The following RBFOX1 variants were observed in gnomAD, a reference collection of about 807,000 sequenced individuals.
RBFOX1 encodes RNA binding fox-1 homolog 1.
A neutral mutation model predicts 57.7 loss-of-function variants in RBFOX1; 8 were observed. The observed-to-expected ratio is 0.14, with a 90% CI of 0.08 to 0.25. The LOEUF is 0.25. Among genes scored for constraint, RBFOX1 ranks in the 10% least tolerant of loss-of-function variants. The probability of loss-of-function intolerance (pLI) is 1.00; values close to 1 mark genes in which losing one functional copy is unlikely to be tolerated. For missense variants in RBFOX1, 611 were observed against 548.5 expected (o/e 1.11, Z -1.14); for synonymous variants, 326 against 222.4 (o/e 1.47, Z -4.15).
intron 3 of RBFOX1, among the ~76,000 whole-genome samples, chr16:5,863,229 G>A (rs551250509): frequency 2.0e-5 from 3 of 152,196 alleles, no homozygotes; most frequent in East Asian, 1.9e-4. Flanking sequence ...CAGAGAAACC[G>A]AAGGAGAGGA....
chr16:5,350,485 G>T (rs1234291504), intron 1 of RBFOX1, among the ~76,000 whole-genome samples: 1 of 152,162 alleles, frequency 6.6e-6, no homozygotes, highest in Non-Finnish European at 1.5e-5. Flanking sequence ...GTACCATTTA[G>T]TTCCCGTGTC....
chr16:7,522,369 T>C (rs1267457897), intron 5 of RBFOX1, among the ~76,000 whole-genome samples: 1 of 152,080 alleles, frequency 6.6e-6, no homozygotes, highest in Non-Finnish European at 1.5e-5. Flanking sequence ...GATGTTCAGA[T>C]TGGGCATTCA....
intron 1 of RBFOX1, among the ~76,000 whole-genome samples, chr16:6,311,024 T>C (rs747278160): frequency 6.6e-5 from 10 of 152,054 alleles, no homozygotes; most frequent in Non-Finnish European, 1.2e-4. Context: ...TGCCTGGATG[T>C]GGTGGCTCAC....
At chr16:5,580,478 C>T (rs1162297226) in intron 2 of RBFOX1, among the ~76,000 whole-genome samples, 1 of 152,216 alleles carries the variant, frequency 6.6e-6, no homozygotes, top group African/African-American at 2.4e-5. Context: ...GCCTGGGTGA[C>T]TTGGATGCCA....
At chr16:7,357,059 G>C (rs952096254) in intron 4 of RBFOX1, among the ~76,000 whole-genome samples, 9 of 152,084 alleles carry the variant, frequency 5.9e-5, no homozygotes, top group Admixed American at 4.6e-4. Flanking sequence ...ATCTGCCTTG[G>C]AACATTCTGC....
In RBFOX1 at chr16:5,756,998, A is replaced by G. The variant is rs189440137; in HGVS notation, c.319-110305A>G. 5.9e-5 allele frequency among the ~76,000 whole-genome samples: 9 copies of G among 152,350 alleles called. No individual in the cohort carries two copies. The East Asian group carries it at 1.2e-3, about 20-fold the overall frequency. ...ATGATTTAATGTTATTCTTAACACA[A>G]TAGAAATTTACTAATGATTTAATTC... On this transcript the variant is annotated intron_variant, in intron 3 of 19. Transcript: ENST00000641259.
chr16:7,077,453 G>A lies in RBFOX1; in HGVS notation c.27+25355G>A, dbSNP rs967499320. Among the ~76,000 whole-genome samples, 51 of 152,124 alleles carry A rather than the reference G, an allele frequency of 3.4e-4. 2 individuals carry two copies. Among genetic ancestry groups the A allele is most frequent in the African/African-American group, 2.4e-5 (1 of 41,452 alleles). ...AGCATCAAAAGCACAGAGTCTCAAA[G>A]ACGAACTAATCTGTGAATAACTGTG... On this transcript the variant is annotated intron_variant, in intron 4 of 15. Coordinates refer to ENST00000550418, the MANE Select transcript of RBFOX1 (RefSeq NM_018723.4).
At chr16:5,980,811 C>G (rs76912882) in intron 4 of RBFOX1, among the ~76,000 whole-genome samples, 3 of 152,030 alleles carry the variant, frequency 2.0e-5, no homozygotes, top group Non-Finnish European at 2.9e-5. Flanking sequence ...CCTTTTAGCA[C>G]CAGAGGGAGC....
At chr16:6,982,052 G>A (rs4287581) in intron 3 of RBFOX1, among the ~76,000 whole-genome samples, 118,353 of 152,130 alleles carry the variant, frequency 0.78, 46,481 homozygotes, top group African/African-American at 0.89. Flanking sequence ...TAAAATTTTC[G>A]TAGTTTTTCA....
intron 14 of RBFOX1, among the ~76,000 whole-genome samples, chr16:7,685,300 C>G (rs2075822238): frequency 1.3e-5 from 2 of 152,186 alleles, no homozygotes; most frequent in African/African-American, 4.8e-5. Flanking sequence ...TGCCTCTCTA[C>G]TCTCCCTTCT....
At chr16:6,648,313 G>T (rs369004355) in intron 2 of RBFOX1, among the ~76,000 whole-genome samples, 1 of 151,842 alleles carries the variant, frequency 6.6e-6, no homozygotes, top group Non-Finnish European at 1.5e-5. Context: ...CTCTGGACTC[G>T]GCCTCCCAAA....
chr16:6,569,951 T>A lies in RBFOX1; in HGVS notation c.-63-84652T>A, dbSNP rs75969620. Among the ~76,000 whole-genome samples the A allele has an allele frequency of 7.3e-3, 1,115 of 152,246 alleles. 15 individuals carry two copies. The highest frequency in any genetic ancestry group is 0.013 in the Non-Finnish European group (882 of 68,026). Reference sequence around the variant, plus strand: ...CTTGTCCTCAATAATAAAATTCATTTTGGTGCAGCCTGCCGGTAATTTGTT... The same window carrying A: ...CTTGTCCTCAATAATAAAATTCATTATGGTGCAGCCTGCCGGTAATTTGTT... On this transcript the variant is annotated intron_variant, in intron 2 of 15. Transcript: ENST00000550418.
intron 3 of RBFOX1, among the ~76,000 whole-genome samples, chr16:6,770,726 T>G (rs6500820): frequency 0.79 from 120,008 of 152,144 alleles, 48,227 homozygotes; most frequent in African/African-American, 0.93. Flanking sequence ...GGAAGTGGCA[T>G]AGGCTGAGCT....
At position 7,335,584 on chromosome 16, in the gene RBFOX1, G is replaced by GAA. The variant is rs959362612; in HGVS notation, c.28-182539_28-182538dup. Among the ~76,000 whole-genome samples the GAA allele has an allele frequency of 3.9e-3, 293 of 74,594 alleles. 4 individuals are homozygous for GAA. Among genetic ancestry groups the GAA allele is most frequent in the African/African-American group, 0.013 (211 of 16,300 alleles). The allele number at this position is 74,594 out of a possible 152,430, so 48.9% of individuals were successfully genotyped here. On this transcript the variant is annotated intron_variant, in intron 4 of 15. Coordinates refer to ENST00000550418, the MANE Select transcript of RBFOX1 (RefSeq NM_018723.4). ...CCCTGTTTTAGTTGCCTCAGATAAA[G>GAA]AAAAAAAAAAAAAAAAAAAAAAAAA...
At chr16:7,612,860 T>C (rs543325917) in intron 10 of RBFOX1, among the ~76,000 whole-genome samples, 76 of 152,258 alleles carry the variant, frequency 5.0e-4, no homozygotes, top group Middle Eastern at 3.4e-3. Flanking sequence ...GCCAACTCAT[T>C]TCTGTGATTA....
chr16:5,541,831 C>T (rs1431994499), intron 2 of RBFOX1, among the ~76,000 whole-genome samples: 10 of 152,034 alleles, frequency 6.6e-5, no homozygotes, highest in African/African-American at 2.4e-4. Context: ...TTGGTTATTC[C>T]TCTCTTAGTT....
At chr16:7,486,813 G>C (rs529107266) in intron 4 of RBFOX1, among the ~76,000 whole-genome samples, 7 of 152,254 alleles carry the variant, frequency 4.6e-5, no homozygotes, top group South Asian at 4.1e-4. Flanking sequence ...AACATTGCCT[G>C]CCTCTTCCAG....
chr16:6,697,266 T>C (rs2061194705), intron 3 of RBFOX1, among the ~76,000 whole-genome samples: 1 of 152,162 alleles, frequency 6.6e-6, no homozygotes, highest in Admixed American at 6.5e-5. Context: ...ATTTTCTGCA[T>C]CTTAAGTCCT....
intron 3 of RBFOX1, among the ~76,000 whole-genome samples, chr16:6,975,923 C>T (rs539327315): frequency 6.6e-6 from 1 of 152,018 alleles, no homozygotes; most frequent in African/African-American, 2.4e-5. Flanking sequence ...GTCAGGAGTT[C>T]CAGATCATGC....
Sources: allele counts gnomAD v4.1 joint callset (sites outside exome capture counted in the v4.1 genomes callset), GRCh38; gene constraint gnomAD v4.1.1; transcripts MANE v1.5; gene names NCBI Gene and HGNC (gene_info 2026-07-23, HGNC 2026-07-21).